CADM2: variants seen among roughly 807,000 people sequenced by gnomAD.
CADM2 encodes the protein cell adhesion molecule 2, also known as immunoglobulin superfamily member 4D.
In CADM2, 12 loss-of-function variants were observed where a neutral mutation model predicts 49.8. That is an observed-to-expected ratio of 0.24 (90% confidence interval 0.15 to 0.39). The LOEUF is 0.39. Among genes scored for constraint, CADM2 ranks in the 10% least tolerant of loss-of-function variants. The probability of loss-of-function intolerance (pLI) is 1.00; values close to 1 mark genes in which losing one functional copy is unlikely to be tolerated. For synonymous variants in CADM2, 214 were observed against 175.4 expected (o/e 1.22, Z -1.74); for missense variants, 378 against 492.3 (o/e 0.77, Z 2.20).
intron 1 of CADM2, among the ~76,000 whole-genome samples, chr3:85,608,196 T>C (rs1317823848): frequency 6.6e-6 from 1 of 152,162 alleles, no homozygotes; most frequent in African/African-American, 2.4e-5. Flanking sequence ...TAATGAAACC[T>C]TATTTTAAAA....
chr3:85,942,929 G>T lies in CADM2; in HGVS notation c.791+7072G>T, dbSNP rs576515473. ...CGCCACACCGACTTCCACAATGGTTGAACTAGTTCACAGTCCCACCAACAG... is the reference window on the plus strand; with the variant it reads ...CGCCACACCGACTTCCACAATGGTTTAACTAGTTCACAGTCCCACCAACAG... On this transcript the variant is annotated intron_variant, in intron 7 of 9. Coordinates refer to ENST00000383699, the MANE Select transcript of CADM2 (RefSeq NM_001167675.2). Among the ~76,000 whole-genome samples the T allele has an allele frequency of 7.2e-3, 1,088 of 152,104 alleles. 4 individuals are homozygous for T. Among genetic ancestry groups the T allele is most frequent in the Middle Eastern group, 0.02 (6 of 294 alleles).
chr3:85,081,273 A>G (rs1036201340), intron 1 of CADM2, among the ~76,000 whole-genome samples: 1 of 152,082 alleles, frequency 6.6e-6, no homozygotes, highest in South Asian at 2.1e-4. Context: ...ACATCTACCC[A>G]CTATGTGACC....
At chr3:85,374,594 G>C (rs909533145) in intron 1 of CADM2, among the ~76,000 whole-genome samples, 1 of 152,142 alleles carries the variant, frequency 6.6e-6, no homozygotes, top group African/African-American at 2.4e-5. Flanking sequence ...CTGCTGTGAA[G>C]AAATACCTCA....
chr3:85,126,570 G>A (rs1313188337), intron 1 of CADM2, among the ~76,000 whole-genome samples: 1 of 151,980 alleles, frequency 6.6e-6, no homozygotes, highest in Non-Finnish European at 1.5e-5. Flanking sequence ...TTTATTTCAT[G>A]CTATTAAATA....
chr3:85,583,905 CA>C (rs960910085), intron 1 of CADM2, among the ~76,000 whole-genome samples: 1 of 151,654 alleles, frequency 6.6e-6, no homozygotes, highest in Non-Finnish European at 1.5e-5. Context: ...TTGAAAATTC[CA>C]ACTATAGAAA....
chr3:85,113,727 G>C (rs1171365008), intron 1 of CADM2, among the ~76,000 whole-genome samples: 1 of 149,764 alleles, frequency 6.7e-6, no homozygotes, highest in Non-Finnish European at 1.5e-5. Flanking sequence ...ACTTATCAGG[G>C]GTTTAATGTG....
At chr3:85,538,491 A>G (rs2061471791) in intron 1 of CADM2, among the ~76,000 whole-genome samples, 1 of 152,148 alleles carries the variant, frequency 6.6e-6, no homozygotes, top group African/African-American at 2.4e-5. Flanking sequence ...GCTTTCATGA[A>G]TGAAAGAGGA....
At chr3:86,050,263 C>T (rs1578063930) in intron 8 of CADM2, among the ~76,000 whole-genome samples, 2 of 152,322 alleles carry the variant, frequency 1.3e-5, no homozygotes, top group South Asian at 2.1e-4. Flanking sequence ...CCTTCTACTC[C>T]ATGTCTCACA....
rs113118492 is a variant in CADM2, at chr3:85,191,403, T to A, written c.61+231735T>A. On this transcript the variant is annotated intron_variant, in intron 1 of 9. Coordinates refer to ENST00000383699, the MANE Select transcript of CADM2 (RefSeq NM_001167675.2). Reference sequence around the variant, plus strand: ...AACGTTTATTAACATTTACCATATGTCAGAGAAATTTTTAAAGGTTTTACT... The same window carrying A: ...AACGTTTATTAACATTTACCATATGACAGAGAAATTTTTAAAGGTTTTACT... 2.1e-3 allele frequency among the ~76,000 whole-genome samples: 316 copies of A among 152,220 alleles called. 1 individual carries two copies. Among genetic ancestry groups the A allele is most frequent in the African/African-American group, 7.2e-3 (299 of 41,564 alleles).
At chr3:85,095,264 A>G (rs144778774) in intron 1 of CADM2, among the ~76,000 whole-genome samples, 216 of 152,290 alleles carry the variant, frequency 1.4e-3, no homozygotes, top group African/African-American at 5.1e-3. Flanking sequence ...TTAGAAAAGC[A>G]ATTAATGGGA....
chr3:85,756,730 A>G (rs1267096899), intron 2 of CADM2, among the ~76,000 whole-genome samples: 3 of 152,188 alleles, frequency 2.0e-5, no homozygotes, highest in African/African-American at 2.4e-5. Flanking sequence ...TATTAAGATT[A>G]TATTACTAAC....
intron 3 of CADM2, among the ~76,000 whole-genome samples, chr3:85,854,684 C>T (rs778675254): frequency 1.2e-4 from 18 of 152,006 alleles, no homozygotes; most frequent in East Asian, 5.8e-4. Context: ...ATGTAGATGA[C>T]GAGTTGATGG....
intron 2 of CADM2, among the ~76,000 whole-genome samples, chr3:85,750,251 A>G (rs1008359594): frequency 6.6e-6 from 1 of 151,978 alleles, no homozygotes; most frequent in African/African-American, 2.4e-5. Flanking sequence ...TTTCATCATG[A>G]ATGAGTTTAT....
At chr3:85,091,179 C>T (rs2037583102) in intron 1 of CADM2, among the ~76,000 whole-genome samples, 1 of 152,058 alleles carries the variant, frequency 6.6e-6, no homozygotes. Flanking sequence ...TAGGGAAATA[C>T]TGGGACACGA....
intron 1 of CADM2, among the ~76,000 whole-genome samples, chr3:85,247,919 A>G (rs1196145169): frequency 6.6e-6 from 1 of 152,198 alleles, no homozygotes; most frequent in East Asian, 1.9e-4. Context: ...TGTTGAATAT[A>G]TATGAATAAT....
chr3:86,032,540 T>C (rs1283947104), intron 8 of CADM2, among the ~76,000 whole-genome samples: 3 of 151,936 alleles, frequency 2.0e-5, no homozygotes, highest in Non-Finnish European at 4.4e-5. Flanking sequence ...TTGAAGAAAT[T>C]AAAGTCAATG....
chr3:86,042,147 G>C (rs189499746), intron 8 of CADM2, among the ~76,000 whole-genome samples: 7 of 152,054 alleles, frequency 4.6e-5, no homozygotes, highest in Admixed American at 2.6e-4. Context: ...AAATTGACAC[G>C]CTAACATCAC....
chr3:85,434,272 C>T (rs1258839916), intron 1 of CADM2, among the ~76,000 whole-genome samples: 1 of 151,732 alleles, frequency 6.6e-6, no homozygotes, highest in Non-Finnish European at 1.5e-5. Flanking sequence ...TATACAATGT[C>T]AGTTTCTTAA....
At chr3:85,103,917 C>T (rs886775434) in intron 1 of CADM2, among the ~76,000 whole-genome samples, 2 of 152,076 alleles carry the variant, frequency 1.3e-5, no homozygotes. Context: ...AGTAGGTAAC[C>T]ACACATGATT....
Sources: gnomAD v4.1 joint callset for allele counts (sites outside exome capture counted in the v4.1 genomes callset) on GRCh38, gnomAD v4.1.1 for gene constraint, MANE v1.5 for transcripts, NCBI Gene and HGNC (gene_info 2026-07-23, HGNC 2026-07-21) for gene names.